The following AHI1 variants were observed in gnomAD, a reference collection of about 807,000 sequenced individuals.
AHI1 encodes the protein jouberin.
In AHI1, 123 loss-of-function variants were observed where a neutral mutation model predicts 149.3. The ratio of observed to expected loss-of-function variants is 0.82; its 90% confidence interval spans 0.71 to 0.96. The LOEUF (loss-of-function observed/expected upper bound fraction) is 0.96, where lower values mean the gene tolerates loss of function less well. AHI1 is among the 40% of genes least tolerant of loss of function. The pLI, the probability that AHI1 is intolerant of heterozygous loss-of-function variation, is 0.00. For missense variants in AHI1, 1,439 were observed against 1,422.7 expected (o/e 1.01, Z -0.18); for synonymous variants, 475 against 459.8 (o/e 1.03, Z -0.42).
chr6:135,285,458 G>T lies in AHI1; in HGVS notation c.*187C>A. ...ATGGTTTATAACAACTGAACTCAAA[G>T]GCCACGTTGATTTTTCCACCCACAA... On this transcript the variant is annotated 3_prime_UTR_variant, in exon 29 of 29. Coordinates refer to ENST00000265602, the MANE Select transcript of AHI1 (RefSeq NM_001134831.2). The T allele has an allele frequency of 1.5e-6, 1 of 654,704 alleles. No homozygotes were observed. Among genetic ancestry groups the T allele is most frequent in the Non-Finnish European group, 2.7e-6 (1 of 371,134 alleles). 40.6% of individuals were successfully genotyped at this position (654,704 alleles called of 1,614,324 possible).
In AHI1 at chr6:135,300,598, G is replaced by T; in HGVS notation, c.3427-40C>A. The T allele has an allele frequency of 1.9e-6, 3 of 1,573,812 alleles. No homozygotes were observed. In the South Asian group the frequency reaches 3.5e-5, roughly 18 times the overall value. On this transcript the variant is annotated intron_variant, in intron 26 of 28. Coordinates refer to ENST00000265602, the MANE Select transcript of AHI1 (RefSeq NM_001134831.2). ...GAAAAACAAGTAGTAAGTAAAAAAT[G>T]AGAAAAGACAACACAGTCAATATTC...
intron 23 of AHI1, among the ~76,000 whole-genome samples, chr6:135,363,326 G>A (rs542268112): frequency 1.1e-3 from 164 of 151,840 alleles, no homozygotes; most frequent in African/African-American, 3.9e-3. Context: ...TCAACCCTGA[G>A]TGGATACAGC....
chr6:135,308,571 T>C (rs762758471), intron 26 of AHI1, among the ~76,000 whole-genome samples: 19 of 152,288 alleles, frequency 1.2e-4, no homozygotes, highest in Non-Finnish European at 2.2e-4. Context: ...AGCAAATATG[T>C]TACCTGATAA....
At chr6:135,471,866 G>T (rs28433348) in intron 5 of AHI1, among the ~76,000 whole-genome samples, 1 of 151,244 alleles carries the variant, frequency 6.6e-6, no homozygotes, top group Non-Finnish European at 1.5e-5. Flanking sequence ...CAAAAAATTA[G>T]CCGGGCGCGG....
At chr6:135,486,091 A>C (rs1794429741) in intron 5 of AHI1, among the ~76,000 whole-genome samples, 1 of 152,244 alleles carries the variant, frequency 6.6e-6, no homozygotes, top group Non-Finnish European at 1.5e-5. Context: ...ACAAATATGG[A>C]CAAATACCTA....
chr6:135,474,525 A>AG (rs1792280235), intron 5 of AHI1: 1 of 151,898 alleles, frequency 6.6e-6, no homozygotes, highest in African/African-American at 2.4e-5. Flanking sequence ...CAAATGCAGT[A>AG]CTGAGAGTAT....
intron 5 of AHI1, among the ~76,000 whole-genome samples, chr6:135,483,987 A>G (rs1794102645): frequency 6.6e-6 from 1 of 152,260 alleles, no homozygotes; most frequent in South Asian, 2.1e-4. Context: ...TGGGCAATTT[A>G]CAAATGAAAG....
intron 5 of AHI1, chr6:135,490,372 C>T: frequency 1.5e-6 from 1 of 651,770 alleles, no homozygotes. Flanking sequence ...TTGAGTTTCC[C>T]CACTATCTCT....
chr6:135,361,513 T>C (rs1793859178), intron 23 of AHI1, among the ~76,000 whole-genome samples: 1 of 152,112 alleles, frequency 6.6e-6, no homozygotes, highest in African/African-American at 2.4e-5. Flanking sequence ...TAGAAAATGA[T>C]TTCATTCCAT....
chr6:135,309,586 G>A (rs557165030), intron 26 of AHI1, among the ~76,000 whole-genome samples: 2 of 151,612 alleles, frequency 1.3e-5, no homozygotes, highest in African/African-American at 2.4e-5. Flanking sequence ...GAGATCAAGC[G>A]ATTCTCCTGC....
intron 24 of AHI1, among the ~76,000 whole-genome samples, chr6:135,324,798 A>G (rs1337788759): frequency 2.0e-5 from 3 of 151,990 alleles, no homozygotes; most frequent in Non-Finnish European, 2.9e-5. Flanking sequence ...AGAGGATTCC[A>G]TTACAGTTCA....
rs867533567 is a variant in AHI1, at chr6:135,363,874, C to T, written c.3110-5687G>A. Among the ~76,000 whole-genome samples, 1,077 of 146,250 alleles carry T rather than the reference C, an allele frequency of 7.4e-3. 14 individuals are homozygous for T. The highest frequency in any genetic ancestry group is 0.025 in the African/African-American group (991 of 38,904). ...GGCGCCCCTCACCCCCCGGACGGGG[C>T]GGCTGGCCGGACGGGGGGCTGACCC... On this transcript the variant is annotated intron_variant, in intron 23 of 28. Transcript: ENST00000265602.
At chr6:135,386,415 A>T (rs1582962056) in intron 23 of AHI1, among the ~76,000 whole-genome samples, 1 of 151,328 alleles carries the variant, frequency 6.6e-6, no homozygotes, top group Non-Finnish European at 1.5e-5. Context: ...GGTTCACACC[A>T]TTCTCCTGCC....
rs1269337016 is a variant in AHI1 at position 135,359,901 on chromosome 6, C to CA, written c.3110-1715dup. ...AGTTTATACAATACCAAGAAAAAAA[C>CA]AAAAAAAACTCTACAGATTTTAGTG... is the stretch of plus-strand genomic sequence containing the variant. On this transcript the variant is annotated intron_variant, in intron 23 of 28. Coordinates refer to ENST00000265602, the MANE Select transcript of AHI1 (RefSeq NM_001134831.2). Among the ~76,000 whole-genome samples the CA allele has an allele frequency of 9.3e-5, 14 of 150,902 alleles. No individual in the cohort carries two copies. The East Asian group carries it at 1.2e-3, about 13-fold the overall frequency.
intron 23 of AHI1, among the ~76,000 whole-genome samples, chr6:135,368,216 G>T (rs1363539465): frequency 6.6e-6 from 1 of 152,188 alleles, no homozygotes; most frequent in Non-Finnish European, 1.5e-5. Flanking sequence ...CTCAGCCATG[G>T]ATACCAGCCC....
At chr6:135,447,237 A>C in intron 12 of AHI1, 77 bp from the exon 13 acceptor site, 1 of 954,680 alleles carries the variant, frequency 1.0e-6, no homozygotes, top group Non-Finnish European at 1.4e-6. Flanking sequence ...TTTTTAAAAT[A>C]CTGAAACAAA....
intron 23 of AHI1, among the ~76,000 whole-genome samples, chr6:135,360,579 A>G (rs1242794434): frequency 6.6e-6 from 1 of 152,110 alleles, no homozygotes; most frequent in Non-Finnish European, 1.5e-5. Context: ...TTCTCTCTCT[A>G]TGGTCTTCCT....
chr6:135,468,821 G>C (rs1791231132), intron 5 of AHI1, among the ~76,000 whole-genome samples: 1 of 152,122 alleles, frequency 6.6e-6, no homozygotes, highest in African/African-American at 2.4e-5. Context: ...TCCCTGAAGA[G>C]ACTAATAACA....
intron 5 of AHI1, among the ~76,000 whole-genome samples, chr6:135,484,970 TGTTA>T: frequency 6.6e-6 from 1 of 152,342 alleles, no homozygotes; most frequent in African/African-American, 2.4e-5. Flanking sequence ...CATTTAAGTT[TGTTA>T]GTTATCTGAA....
Sources: gnomAD v4.1 joint callset for allele counts (sites outside exome capture counted in the v4.1 genomes callset) on GRCh38, gnomAD v4.1.1 for gene constraint, MANE v1.5 for transcripts, NCBI Gene and HGNC (gene_info 2026-07-23, HGNC 2026-07-21) for gene names.